The following CTNNA3 variants were observed in gnomAD, a reference collection of about 807,000 sequenced individuals.
CTNNA3 encodes the protein catenin alpha 3, also known as catenin alpha-3.
A neutral mutation model predicts 95.7 loss-of-function variants in CTNNA3; 76 were observed. The ratio of observed to expected loss-of-function variants is 0.79; its 90% CI spans 0.66 to 0.96. CTNNA3 has a LOEUF of 0.96. CTNNA3 is among the 40% of genes least tolerant of loss of function. The pLI, the probability that CTNNA3 is intolerant of heterozygous loss-of-function variation, is 0.00. For synonymous variants in CTNNA3, 431 were observed against 374.4 expected (o/e 1.15, Z -1.74); for missense variants, 1,191 against 1,089.8 (o/e 1.09, Z -1.31).
At chr10:67,726,594 T>TATATTACATATTATATAATATGTAATATA (rs1841227434) in intron 1 of CTNNA3, among the ~76,000 whole-genome samples, 2 of 35,132 alleles carry the variant, frequency 5.7e-5, no homozygotes, top group South Asian at 1.4e-3. Context: ...TATGTAATAT[T>TATATTACATATTATATAATATGTAATATA]ATATTACATA....
At chr10:66,244,729 G>A (rs888285818) in intron 13 of CTNNA3, among the ~76,000 whole-genome samples, 1 of 152,134 alleles carries the variant, frequency 6.6e-6, no homozygotes, top group Admixed American at 6.5e-5. Flanking sequence ...TCACAATGTC[G>A]AAGTCATTTT....
chr10:66,686,589 A>T (rs1359035693), intron 9 of CTNNA3, among the ~76,000 whole-genome samples: 1 of 152,216 alleles, frequency 6.6e-6, no homozygotes, highest in Non-Finnish European at 1.5e-5. Context: ...ATCAGGCTAT[A>T]GGCCTCTCTT....
At chr10:67,093,317 C>A (rs7093905) in intron 7 of CTNNA3, among the ~76,000 whole-genome samples, 13 of 151,622 alleles carry the variant, frequency 8.6e-5, no homozygotes, top group Non-Finnish European at 5.9e-5. Context: ...TTTGGGTAAC[C>A]TTCAGGTAGG....
intron 13 of CTNNA3, among the ~76,000 whole-genome samples, chr10:66,106,963 AG>A (rs2081938258): frequency 6.6e-6 from 1 of 152,218 alleles, no homozygotes; most frequent in Non-Finnish European, 1.5e-5. Context: ...TGTGCTAAAC[AG>A]GGTTTAATAT....
chr10:67,228,564 G>C (rs1339478326), intron 5 of CTNNA3, among the ~76,000 whole-genome samples: 1 of 152,020 alleles, frequency 6.6e-6, no homozygotes, highest in Non-Finnish European at 1.5e-5. Flanking sequence ...AGTGGGCTGA[G>C]ATCGTGCCAC....
chr10:67,086,533 A>G (rs1256610721), intron 7 of CTNNA3, among the ~76,000 whole-genome samples: 2 of 152,014 alleles, frequency 1.3e-5, no homozygotes, highest in Non-Finnish European at 1.5e-5. Context: ...GTCCTGCCAA[A>G]GCAGGACAAA....
Position 67,613,381 on chromosome 10 carries a change from A to T in CTNNA3, c.100-6332T>A, listed in dbSNP as rs554021110. 2.6e-5 allele frequency among the ~76,000 whole-genome samples: 4 copies of T among 152,200 alleles called. No individual in the cohort carries two copies. The South Asian group carries it at 8.3e-4, about 32-fold the overall frequency. ...ACAGTGGTTTACTGGATGAAAAAAA[A>T]AAAAGAATAAAACCCTACATTTTAG... On this transcript the variant is annotated intron_variant, in intron 2 of 17. Coordinates refer to ENST00000433211, the MANE Select transcript of CTNNA3 (RefSeq NM_013266.4).
chr10:67,587,239 G>GTT (rs1564763813), intron 3 of CTNNA3, among the ~76,000 whole-genome samples: 2 of 145,498 alleles, frequency 1.4e-5, no homozygotes, highest in Non-Finnish European at 3.0e-5. Flanking sequence ...GTGTGTGTGT[G>GTT]TGTAGAGCCA....
chr10:66,966,777 A>G (rs1029605172), intron 7 of CTNNA3, among the ~76,000 whole-genome samples: 3 of 152,088 alleles, frequency 2.0e-5, no homozygotes, highest in Non-Finnish European at 2.9e-5. Flanking sequence ...GTAAGAAGAA[A>G]ATAAATATGG....
At chr10:66,962,992 A>ATGAAT (rs112463322) in intron 7 of CTNNA3, among the ~76,000 whole-genome samples, 2 of 152,066 alleles carry the variant, frequency 1.3e-5, no homozygotes, top group African/African-American at 4.8e-5. Flanking sequence ...GAATGAATGA[A>ATGAAT]GGGGTTCTTT....
At chr10:65,984,023 G>T (rs1017413875) in intron 16 of CTNNA3, among the ~76,000 whole-genome samples, 1 of 150,780 alleles carries the variant, frequency 6.6e-6, no homozygotes, top group African/African-American at 2.4e-5. Flanking sequence ...TGTAATAGAT[G>T]ATATATATAT....
intron 12 of CTNNA3, among the ~76,000 whole-genome samples, chr10:66,376,712 G>C (rs1191116973): frequency 6.6e-6 from 1 of 152,016 alleles, no homozygotes; most frequent in Admixed American, 6.6e-5. Context: ...CAGAAAGCAG[G>C]GTTAAATCCT....
At chr10:66,006,378 AC>A (rs896722678) in intron 15 of CTNNA3, among the ~76,000 whole-genome samples, 9 of 149,572 alleles carry the variant, frequency 6.0e-5, no homozygotes, top group East Asian at 2.0e-4. Context: ...CCTCACCAAC[AC>A]CCCCCCACAC....
At chr10:66,709,349 G>C (rs1024558911) in intron 9 of CTNNA3, among the ~76,000 whole-genome samples, 2 of 151,978 alleles carry the variant, frequency 1.3e-5, no homozygotes, top group African/African-American at 4.8e-5. Context: ...ATAGGAACAA[G>C]TATTGATTCA....
intron 13 of CTNNA3, among the ~76,000 whole-genome samples, chr10:66,158,111 T>C (rs908152294): frequency 3.3e-5 from 5 of 152,100 alleles, no homozygotes; most frequent in Non-Finnish European, 5.9e-5. Flanking sequence ...ACTCTGTGGG[T>C]TGTCTGTTTA....
At chr10:67,001,897 C>T (rs1851709426) in intron 7 of CTNNA3, among the ~76,000 whole-genome samples, 1 of 152,176 alleles carries the variant, frequency 6.6e-6, no homozygotes, top group South Asian at 2.1e-4. Flanking sequence ...TCCTAAAACA[C>T]ATTTGCTACA....
chr10:66,488,268 G>A (rs1839807367), intron 11 of CTNNA3, among the ~76,000 whole-genome samples: 1 of 152,060 alleles, frequency 6.6e-6, no homozygotes, highest in Non-Finnish European at 1.5e-5. Context: ...TACCTTTATA[G>A]TTAGCGATAA....
At chr10:67,185,540 C>T (rs920065309) in intron 6 of CTNNA3, among the ~76,000 whole-genome samples, 3 of 151,950 alleles carry the variant, frequency 2.0e-5, no homozygotes, top group African/African-American at 7.3e-5. Flanking sequence ...GCAAATTTAA[C>T]ATTTCTTTTT....
At chr10:66,266,218 C>T (rs564208910) in intron 13 of CTNNA3, among the ~76,000 whole-genome samples, 16 of 151,482 alleles carry the variant, frequency 1.1e-4, no homozygotes, top group Non-Finnish European at 2.2e-4. Context: ...TGTGATAATC[C>T]CCTCCCTTGT....
Sources: allele counts gnomAD v4.1 joint callset (sites outside exome capture counted in the v4.1 genomes callset), GRCh38; gene constraint gnomAD v4.1.1; transcripts MANE v1.5; gene names NCBI Gene and HGNC (gene_info 2026-07-23, HGNC 2026-07-21).